SORBS2: variants seen among roughly 807,000 people sequenced by gnomAD.
The protein encoded by SORBS2 is sorbin and SH3 domain containing 2.
In SORBS2, 46 loss-of-function variants were observed where a neutral mutation model predicts 97.7. The observed-to-expected ratio is 0.47, with a 90% CI of 0.37 to 0.60. The LOEUF is 0.60. Among genes scored for constraint, SORBS2 ranks in the 20% least tolerant of loss-of-function variants. The probability of loss-of-function intolerance (pLI) is 0.00; values close to 1 mark genes in which losing one functional copy is unlikely to be tolerated. For synonymous variants in SORBS2, 476 were observed against 473.4 expected (o/e 1.01, Z -0.07); for missense variants, 1,316 against 1,282.3 (o/e 1.03, Z -0.40).
chr4:185,925,133 A>C (rs933843112), intron 1 of SORBS2, among the ~76,000 whole-genome samples: 2 of 152,248 alleles, frequency 1.3e-5, no homozygotes, highest in African/African-American at 4.8e-5. Context: ...TTTTGTTTGC[A>C]TCTATGACAT....
At chr4:185,757,297 A>G (rs2098837265) in intron 2 of SORBS2, 1 of 201,578 alleles carries the variant, frequency 5.0e-6, no homozygotes, top group South Asian at 9.6e-5. Context: ...TTTCATAATT[A>G]GCTTCTGAAA....
At chr4:185,773,471 T>C (rs574039953) in intron 2 of SORBS2, 47 of 152,368 alleles carry the variant, frequency 3.1e-4, no homozygotes, top group African/African-American at 1.1e-3. Context: ...TTGCATCTGC[T>C]CCTAATCCAG....
chr4:185,947,572 C>T (rs552958183), intron 1 of SORBS2, among the ~76,000 whole-genome samples: 101 of 152,100 alleles, frequency 6.6e-4, no homozygotes, highest in Non-Finnish European at 1.2e-3. Flanking sequence ...TCGGTCATCT[C>T]ACCTACACAA....
At chr4:185,754,693 G>A (rs1183792768) in intron 2 of SORBS2, among the ~76,000 whole-genome samples, 1 of 152,204 alleles carries the variant, frequency 6.6e-6, no homozygotes, top group African/African-American at 2.4e-5. Context: ...GCTCAGTGGA[G>A]TGTGGGGTGG....
chr4:185,686,463 G>C (rs1187895539), intron 2 of SORBS2, among the ~76,000 whole-genome samples: 1 of 152,056 alleles, frequency 6.6e-6, no homozygotes, highest in Admixed American at 6.5e-5. Context: ...TAAATCAAAG[G>C]TTATAATTAA....
chr4:185,939,580 G>A (rs1198653156), intron 1 of SORBS2, among the ~76,000 whole-genome samples: 5 of 152,008 alleles, frequency 3.3e-5, no homozygotes, highest in Admixed American at 1.3e-4. Flanking sequence ...GCGCGACCTC[G>A]GCTCACCGCA....
chr4:185,858,196 A>C (rs528624075), intron 1 of SORBS2, among the ~76,000 whole-genome samples: 56 of 152,134 alleles, frequency 3.7e-4, no homozygotes, highest in Non-Finnish European at 6.9e-4. Flanking sequence ...CTTAGGGAAA[A>C]TAGAAAAGAA....
intron 1 of SORBS2, among the ~76,000 whole-genome samples, chr4:185,919,020 T>C (rs1049051342): frequency 1.3e-5 from 2 of 152,168 alleles, no homozygotes; most frequent in African/African-American, 4.8e-5. Flanking sequence ...ACTCTTTAAA[T>C]TATAGATGAT....
rs1407459476 is a variant in SORBS2, at chr4:185,623,535, A to G, written c.1594T>C (p.Ser532Pro). Residue 532 changes from serine (S) to proline (P), a missense_variant, in exon 7 of 15, where the codon TCC (serine) becomes CCC (proline). Coordinates refer to ENST00000418609, the Ensembl canonical transcript of SORBS2. This position sits in a 1 kb window ranked among gnomAD's most constrained non-coding sequence, Gnocchi z 6.4. ...TAAAAGCTTTCGGAGGATGTGAAGG[A>G]AAAGTGATCAAAGTCACTTTCACTG... 2 of 1,613,898 alleles carry G rather than the reference A, an allele frequency of 1.2e-6. No homozygotes were observed. Among genetic ancestry groups the G allele is most frequent in the East Asian group, 2.2e-5 (1 of 44,858 alleles).
intron 1 of SORBS2, among the ~76,000 whole-genome samples, chr4:185,880,017 T>C (rs1413917576): frequency 6.6e-6 from 1 of 152,176 alleles, no homozygotes; most frequent in Admixed American, 6.5e-5. Context: ...CTTCCCCATT[T>C]TATAGATTGG....
intron 4 of SORBS2, among the ~76,000 whole-genome samples, chr4:185,634,728 C>A (rs967627064): frequency 2.6e-5 from 4 of 152,002 alleles, no homozygotes; most frequent in African/African-American, 9.7e-5. Flanking sequence ...GTAGAGATTG[C>A]AAACGCATTT....
intron 1 of SORBS2, among the ~76,000 whole-genome samples, chr4:185,935,838 G>C (rs1434433504): frequency 7.0e-6 from 1 of 143,164 alleles, no homozygotes; most frequent in African/African-American, 2.5e-5. Context: ...AATTAAGTGG[G>C]AGAGTAGTGA....
At chr4:185,719,586 C>T (rs529557762) in intron 2 of SORBS2, among the ~76,000 whole-genome samples, 295 of 152,336 alleles carry the variant, frequency 1.9e-3, no homozygotes, top group Non-Finnish European at 3.4e-3. Flanking sequence ...TGGTGGCAAG[C>T]ATCATCAAAC....
chr4:185,701,818 G>A (rs1174782148), intron 2 of SORBS2, among the ~76,000 whole-genome samples: 1 of 150,446 alleles, frequency 6.6e-6, no homozygotes, highest in South Asian at 2.1e-4. Flanking sequence ...TTGCCAGGCT[G>A]GAGTGCAAGT....
chr4:185,620,464 A>C (rs1030140248), intron 7 of SORBS2, among the ~76,000 whole-genome samples: 23 of 152,180 alleles, frequency 1.5e-4, no homozygotes, highest in African/African-American at 5.3e-4. Context: ...TTTTCATATA[A>C]ATTTTTTCCA....
intron 1 of SORBS2, among the ~76,000 whole-genome samples, chr4:185,820,183 A>G (rs1475434072): frequency 1.3e-5 from 2 of 152,294 alleles, no homozygotes; most frequent in East Asian, 3.9e-4. Flanking sequence ...GTGTTCATCA[A>G]AAGAATGGTC....
intron 1 of SORBS2, among the ~76,000 whole-genome samples, chr4:185,859,344 T>C (rs1338838394): frequency 6.6e-6 from 1 of 152,144 alleles, no homozygotes; most frequent in Non-Finnish European, 1.5e-5. Flanking sequence ...GCATACCTTA[T>C]CCTCCCAGCT....
At chr4:185,773,815 T>C (rs1433508494) in intron 2 of SORBS2, 1 of 152,232 alleles carries the variant, frequency 6.6e-6, no homozygotes. Context: ...ATGAAGAGAA[T>C]ATTCCAAAGC....
intron 4 of SORBS2, among the ~76,000 whole-genome samples, chr4:185,643,111 A>G (rs1479535117): frequency 1.3e-5 from 2 of 152,192 alleles, no homozygotes; most frequent in Non-Finnish European, 2.9e-5. Flanking sequence ...GAAGCTCAAG[A>G]TCTCATGAGG....
Sources: allele counts gnomAD v4.1 joint callset (sites outside exome capture counted in the v4.1 genomes callset), GRCh38; gene constraint gnomAD v4.1.1; non-coding constraint Gnocchi (gnomAD v3.1); transcripts MANE v1.5; gene names NCBI Gene and HGNC (gene_info 2026-07-23, HGNC 2026-07-21).